The following POU6F2 variants were observed in gnomAD, a reference collection of about 807,000 sequenced individuals.
POU6F2 encodes POU class 6 homeobox 2.
Under a neutral mutation model 71.3 loss-of-function variants are expected in POU6F2, and 31 were observed. The observed-to-expected ratio is 0.43, with a 90% confidence interval of 0.33 to 0.59. The LOEUF is 0.59. Ranked by LOEUF, POU6F2 falls within the 20% of genes least tolerant of loss-of-function variation. The pLI is 0.04. For synonymous variants in POU6F2, 347 were observed against 355.7 expected, an observed-to-expected ratio of 0.98 and a Z score of 0.27; for missense variants, 783 against 856.8, an observed-to-expected ratio of 0.91 and a Z score of 1.07.
intron 2 of POU6F2, 94 bp from the exon 3 acceptor site, chr7:39,204,141 C>A: frequency 1.9e-6 from 2 of 1,073,074 alleles, no homozygotes; most frequent in Non-Finnish European, 1.4e-6. Context: ...TATTGATAAA[C>A]CACTCTGTCA....
At chr7:39,045,802 C>T (rs562337423) in intron 1 of POU6F2, among the ~76,000 whole-genome samples, 2 of 151,960 alleles carry the variant, frequency 1.3e-5, no homozygotes, top group South Asian at 4.1e-4. Context: ...TTTTACTAAT[C>T]CATTTTTATT....
chr7:39,057,304 T>G (rs1213324216), intron 1 of POU6F2, among the ~76,000 whole-genome samples: 1 of 152,192 alleles, frequency 6.6e-6, no homozygotes, highest in Non-Finnish European at 1.5e-5. Context: ...ATAACAATTT[T>G]TAAAAAAATT....
At chr7:39,071,012 A>G (rs963483260) in intron 1 of POU6F2, among the ~76,000 whole-genome samples, 1 of 152,146 alleles carries the variant, frequency 6.6e-6, no homozygotes, top group African/African-American at 2.4e-5. Flanking sequence ...CAATTTTTCC[A>G]TAGACTGAGG....
At chr7:39,135,410 T>C (rs903478960) in intron 2 of POU6F2, among the ~76,000 whole-genome samples, 17 of 152,182 alleles carry the variant, frequency 1.1e-4, no homozygotes, top group Admixed American at 3.3e-4. Context: ...CAATCACATA[T>C]ATTGGGTTGG....
chr7:39,155,444 G>A (rs930498236), intron 2 of POU6F2, among the ~76,000 whole-genome samples: 1 of 152,106 alleles, frequency 6.6e-6, no homozygotes, highest in African/African-American at 2.4e-5. Flanking sequence ...TTTTATTTTT[G>A]GGAAAAGAGG....
intron 5 of POU6F2, among the ~76,000 whole-genome samples, chr7:39,361,249 A>T (rs1175292289): frequency 6.6e-6 from 1 of 152,242 alleles, no homozygotes; most frequent in Non-Finnish European, 1.5e-5. Context: ...TGATTAAAGT[A>T]TGAATGCATT....
chr7:39,035,082 G>T (rs1028537611), intron 1 of POU6F2, among the ~76,000 whole-genome samples: 1 of 151,138 alleles, frequency 6.6e-6, no homozygotes, highest in Non-Finnish European at 1.5e-5. Context: ...ATATATGTGT[G>T]TATATATATT....
intron 4 of POU6F2, among the ~76,000 whole-genome samples, chr7:39,294,186 C>T (rs980530846): frequency 2.6e-5 from 4 of 151,512 alleles, no homozygotes; most frequent in Non-Finnish European, 5.9e-5. Context: ...AACCTGAAAC[C>T]ATGATGGCAA....
chr7:39,250,647 C>T (rs1783897315), intron 4 of POU6F2, among the ~76,000 whole-genome samples: 1 of 152,130 alleles, frequency 6.6e-6, no homozygotes, highest in African/African-American at 2.4e-5. Flanking sequence ...TATAATCCTA[C>T]CCCCATGGGG....
chr7:39,125,705 C>T (rs1195249758), intron 2 of POU6F2, among the ~76,000 whole-genome samples: 1 of 151,900 alleles, frequency 6.6e-6, no homozygotes, highest in Non-Finnish European at 1.5e-5. Context: ...TAATATCTCT[C>T]ACACGAACAC....
At chr7:39,412,886 C>T (rs1035027056) in intron 6 of POU6F2, among the ~76,000 whole-genome samples, 1 of 144,686 alleles carries the variant, frequency 6.9e-6, no homozygotes, top group Admixed American at 7.2e-5. Context: ...CTGCAAGCTC[C>T]GCCTCCCAGG....
chr7:39,217,012 C>T (rs1293091021), intron 4 of POU6F2, among the ~76,000 whole-genome samples: 2 of 151,916 alleles, frequency 1.3e-5, no homozygotes, highest in Non-Finnish European at 2.9e-5. Flanking sequence ...CTGGTAGGTG[C>T]CAGACAATGA....
At chr7:39,368,636 A>G (rs549656282) in intron 5 of POU6F2, among the ~76,000 whole-genome samples, 14 of 152,340 alleles carry the variant, frequency 9.2e-5, no homozygotes, top group African/African-American at 3.4e-4. Flanking sequence ...CATAGCTAGA[A>G]AATTCAATGC....
intron 4 of POU6F2, among the ~76,000 whole-genome samples, chr7:39,320,136 T>C (rs1433552999): frequency 2.6e-5 from 4 of 152,314 alleles, no homozygotes; most frequent in Middle Eastern, 3.4e-3. Context: ...TCTTCTCACC[T>C]GGGAGGTCCA....
chr7:39,027,353 C>G (rs1313985157), intron 1 of POU6F2, among the ~76,000 whole-genome samples: 1 of 152,170 alleles, frequency 6.6e-6, no homozygotes, highest in Non-Finnish European at 1.5e-5. Flanking sequence ...ATCATCCAAT[C>G]ACACTGATGT....
intron 2 of POU6F2, among the ~76,000 whole-genome samples, chr7:39,190,025 C>A (rs1221807146): frequency 6.6e-6 from 1 of 152,108 alleles, no homozygotes; most frequent in Non-Finnish European, 1.5e-5. Context: ...TCCCGAGTAG[C>A]TGGGACTACA....
At chr7:39,245,361 A>G (rs1584622249) in intron 4 of POU6F2, among the ~76,000 whole-genome samples, 1 of 152,310 alleles carries the variant, frequency 6.6e-6, no homozygotes, top group East Asian at 1.9e-4. Context: ...ACATATGATT[A>G]TCTACCTTTC....
At chr7:39,356,893 A>G in intron 5 of POU6F2, among the ~76,000 whole-genome samples, 1 of 152,170 alleles carries the variant, frequency 6.6e-6, no homozygotes, top group East Asian at 1.9e-4. Context: ...CTTGATTTAA[A>G]TGCTTTAAAT....
At chr7:39,448,860 A>G (rs1345815136) in intron 7 of POU6F2, among the ~76,000 whole-genome samples, 1 of 152,248 alleles carries the variant, frequency 6.6e-6, no homozygotes, top group East Asian at 1.9e-4. Flanking sequence ...GGACAACTCA[A>G]TACGTTATAG....
Sources: gnomAD v4.1 joint callset for allele counts (sites outside exome capture counted in the v4.1 genomes callset) on GRCh38, gnomAD v4.1.1 for gene constraint, MANE v1.5 for transcripts, NCBI Gene and HGNC (gene_info 2026-07-23, HGNC 2026-07-21) for gene names.